The following WRN variants were observed in gnomAD, a reference collection of about 807,000 sequenced individuals.
WRN encodes the protein WRN RecQ like helicase.
WRN carries 149 observed loss-of-function variants against 180.7 expected under a neutral mutation model. That is an observed-to-expected ratio of 0.82 (90% confidence interval 0.72 to 0.94). WRN has a LOEUF of 0.94. WRN is among the 40% of genes least tolerant of loss of function. The pLI is 0.00. For missense variants in WRN, 1,661 were observed against 1,700.1 expected (o/e 0.98, Z 0.40); for synonymous variants, 548 against 568.9 (o/e 0.96, Z 0.52).
chr8:31,119,349 T>A (rs1801633798), intron 20 of WRN, among the ~76,000 whole-genome samples: 1 of 152,006 alleles, frequency 6.6e-6, no homozygotes, highest in African/African-American at 2.4e-5. Flanking sequence ...TAGCTGATTC[T>A]TTTGGTACTT....
At chr8:31,108,772 G>T (rs1428086367) in intron 18 of WRN, among the ~76,000 whole-genome samples, 1 of 152,088 alleles carries the variant, frequency 6.6e-6, no homozygotes, top group Non-Finnish European at 1.5e-5. Flanking sequence ...CATGAAAATA[G>T]TGAGTGTCTG....
chr8:31,162,696 T>C (rs1293619145), intron 33 of WRN, among the ~76,000 whole-genome samples: 1 of 152,208 alleles, frequency 6.6e-6, no homozygotes, highest in Non-Finnish European at 1.5e-5. Flanking sequence ...TGCATTGTGA[T>C]GTTACGATGG....
chr8:31,163,854 CT>C (rs34612730), intron 33 of WRN, among the ~76,000 whole-genome samples: 53,463 of 141,648 alleles, frequency 0.38, 9,625 homozygotes, highest in African/African-American at 0.42. Context: ...ACCATGAGCT[CT>C]TTTTTTTTTT....
intron 27 of WRN, among the ~76,000 whole-genome samples, chr8:31,143,287 T>A (rs572946265): frequency 1.3e-5 from 2 of 152,334 alleles, no homozygotes; most frequent in Admixed American, 1.3e-4. Flanking sequence ...TTTTTATAAC[T>A]TTGGCACTTG....
chr8:31,154,026 T>C (rs1012170397), intron 31 of WRN, among the ~76,000 whole-genome samples: 10 of 152,044 alleles, frequency 6.6e-5, no homozygotes, highest in Non-Finnish European at 1.0e-4. Flanking sequence ...TTCTATCTCT[T>C]TACCTTTATT....
At chr8:31,074,858 G>T (rs549851760) in intron 7 of WRN, among the ~76,000 whole-genome samples, 85 of 152,244 alleles carry the variant, frequency 5.6e-4, no homozygotes, top group Non-Finnish European at 7.5e-4. Flanking sequence ...AGGAAAAGGT[G>T]ATAGGATCAA....
chr8:31,088,818 A>C, intron 12 of WRN, 72 bp from the exon 13 acceptor site: 1 of 1,281,942 alleles, frequency 7.8e-7, no homozygotes, highest in Non-Finnish European at 1.1e-6. Context: ...AAGCCAATGA[A>C]ATAAACTGTT....
In WRN at chr8:31,085,239, T is replaced by C. The variant is rs140666473; in HGVS notation, c.1424T>C (p.Met475Thr). Residue 475 changes from methionine (M) to threonine (T), a missense_variant, in exon 11 of 35, where the codon ATG becomes ACG. By Grantham distance (81) the Met-to-Thr change is moderately conservative. Around this residue, in one of 3 missense-constraint regions of WRN, gnomAD observed 1,141 missense variants for 1,149.4 expected, o/e 0.99. Transcript: ENST00000298139. ...IESDEDLEME[M>T]LKSLENLNSG... The stretch of plus-strand genomic sequence containing the variant: ...AGTGATGAAGATTTAGAAATGGAGA[T>C]GCTTAAGGTATGTTTACAATTATAA... 5.6e-6 allele frequency: 9 copies of C among 1,612,702 alleles called. No homozygotes were observed. The African/African-American group carries it at 1.1e-4, about 19-fold the overall frequency.
Position 31,076,294 on chromosome 8 carries a change from T to C in WRN, c.839+7T>C. 1.2e-6 allele frequency: 2 copies of C among 1,600,668 alleles called. No homozygotes were observed. Among genetic ancestry groups the C allele is most frequent in the East Asian group, 2.2e-5 (1 of 44,688 alleles). ...AATTGGAAAACCCACGGAGGTTAAA[T>C]ATTACCTTTTTTTTTTTTAACTTAA... is the stretch of plus-strand genomic sequence containing the variant. On this transcript the variant is annotated splice_region_variant and intron_variant, in intron 8 of 34. Coordinates refer to ENST00000298139, the MANE Select transcript of WRN (RefSeq NM_000553.6).
At chr8:31,099,569 G>GTTTT (rs555227491) in intron 17 of WRN, among the ~76,000 whole-genome samples, 4 of 137,240 alleles carry the variant, frequency 2.9e-5, no homozygotes, top group African/African-American at 8.0e-5. Flanking sequence ...TTGTTTGTTT[G>GTTTT]TTTTTTTTTT....
intron 24 of WRN, among the ~76,000 whole-genome samples, chr8:31,140,452 A>G (rs548146731): frequency 1.3e-5 from 2 of 152,358 alleles, no homozygotes; most frequent in South Asian, 2.1e-4. Flanking sequence ...GTTAGAGAAC[A>G]ACAGAATTGC....
At chr8:31,101,450 G>A (rs1814227717) in intron 18 of WRN, among the ~76,000 whole-genome samples, 2 of 152,038 alleles carry the variant, frequency 1.3e-5, no homozygotes, top group Non-Finnish European at 2.9e-5. Context: ...TTTTATTAAA[G>A]CTTTTGGTAT....
rs1444542945 is a variant in WRN, at chr8:31,065,203, A to G, written c.504+140A>G. On this transcript the variant is annotated intron_variant, in intron 5 of 34. Transcript: ENST00000298139. ...TGTAGCAATAAAAAAGTTCCAAGTG[A>G]ATGTTCTTTAATGAAAACCTTTATT... 5 of 774,166 alleles carry G rather than the reference A, an allele frequency of 6.5e-6. No individual in the cohort carries two copies. The African/African-American group carries it at 8.9e-5, about 14-fold the overall frequency. 48.0% of individuals were successfully genotyped at this position (774,166 alleles called of 1,614,324 possible). A position where few individuals can be genotyped will look rare whatever the true frequency, so the allele number is the denominator to read the frequency against.
intron 32 of WRN, among the ~76,000 whole-genome samples, chr8:31,156,586 G>A (rs1426164541): frequency 6.6e-6 from 1 of 152,216 alleles, no homozygotes; most frequent in East Asian, 1.9e-4. Flanking sequence ...GCTCTATTCT[G>A]TGAAAGTATC....
At chr8:31,049,489 G>A (rs140322865) in intron 1 of WRN, among the ~76,000 whole-genome samples, 1 of 148,982 alleles carries the variant, frequency 6.7e-6, no homozygotes, top group Non-Finnish European at 1.5e-5. Flanking sequence ...CTGTGACTGA[G>A]CAACAGAGCT....
chr8:31,161,320 GTGT>G (rs2130495495), intron 33 of WRN, among the ~76,000 whole-genome samples: 1 of 152,240 alleles, frequency 6.6e-6, no homozygotes, highest in African/African-American at 2.4e-5. Context: ...TCTGAGAAAT[GTGT>G]TGTTGGGCGA....
chr8:31,096,962 T>C, intron 17 of WRN, 112 bp downstream of exon 17: 1 of 997,120 alleles, frequency 1.0e-6, no homozygotes, highest in Non-Finnish European at 1.6e-6. Context: ...AAACATTACT[T>C]CCTCCAGGAA....
chr8:31,139,084 G>A (rs765095849), intron 24 of WRN, among the ~76,000 whole-genome samples: 10 of 152,018 alleles, frequency 6.6e-5, no homozygotes, highest in Non-Finnish European at 1.2e-4. Flanking sequence ...TATGTATGTC[G>A]TTCTTGTTCT....
At position 31,174,815 on chromosome 8, in the gene WRN, TCCTTCCTC is replaced by T. The variant is rs1188539050; in HGVS notation, c.*1717_*1724del. On this transcript the variant is annotated 3_prime_UTR_variant, in exon 35 of 35. Coordinates refer to ENST00000298139, the MANE Select transcript of WRN (RefSeq NM_000553.6). ...CCTTCCCCTTCCTTCCTTCCTTCCT[TCCTTCCTC>T]CCTCCCTCCCTCCCTCCCTCCCTCC... Among the ~76,000 whole-genome samples the T allele has an allele frequency of 1.2e-3, 118 of 96,548 alleles. 1 individual carries two copies. Among genetic ancestry groups the T allele is most frequent in the East Asian group, 0.012 (35 of 2,932 alleles). 63.3% of individuals were successfully genotyped at this position (96,548 alleles called of 152,430 possible). A position where few individuals can be genotyped will look rare whatever the true frequency, so the allele number is the denominator to read the frequency against.
Sources: allele counts gnomAD v4.1 joint callset (sites outside exome capture counted in the v4.1 genomes callset), GRCh38; gene constraint gnomAD v4.1.1; regional missense constraint gnomAD v4.1.1; transcripts MANE v1.5; gene names NCBI Gene and HGNC (gene_info 2026-07-23, HGNC 2026-07-21).